Variants in MRPS28 observed in about 807,000 individuals in gnomAD.
The protein encoded by MRPS28 is small ribosomal subunit protein bS1m.
A neutral mutation model predicts 10.8 loss-of-function variants in MRPS28; 7 were observed. The ratio of observed to expected loss-of-function variants is 0.65; its 90% confidence interval spans 0.37 to 1.22. The LOEUF is 1.22. MRPS28 is among the 50% of genes most tolerant of loss of function. The probability of loss-of-function intolerance (pLI) is 0.02; values close to 1 mark genes in which losing one functional copy is unlikely to be tolerated. For missense variants in MRPS28, 265 were observed against 232.9 expected (o/e 1.14, Z -0.90); for synonymous variants, 121 against 93.3 (o/e 1.30, Z -1.71).
intron 1 of MRPS28, among the ~76,000 whole-genome samples, chr8:80,024,730 A>G (rs1380938555): frequency 1.3e-5 from 2 of 152,218 alleles, no homozygotes; most frequent in Non-Finnish European, 2.9e-5. Flanking sequence ...CAGCAAATAT[A>G]TACTCAATCC....
intron 1 of MRPS28, among the ~76,000 whole-genome samples, chr8:80,012,014 G>A (rs929270948): frequency 6.6e-6 from 1 of 152,136 alleles, no homozygotes; most frequent in African/African-American, 2.4e-5. Flanking sequence ...AGATTCTCTT[G>A]AGATTTTTAG....
intron 2 of MRPS28, among the ~76,000 whole-genome samples, chr8:79,990,838 T>C (rs1312678971): frequency 7.8e-6 from 1 of 128,232 alleles, no homozygotes; most frequent in Non-Finnish European, 1.7e-5. Flanking sequence ...AAAAAAAAAA[T>C]TCAAAATTAG....
At chr8:80,011,797 A>C (rs1420906149) in intron 1 of MRPS28, among the ~76,000 whole-genome samples, 2 of 152,068 alleles carry the variant, frequency 1.3e-5, no homozygotes, top group East Asian at 1.9e-4. Context: ...AAAACAAAAA[A>C]CCAGATGACA....
intron 2 of MRPS28, among the ~76,000 whole-genome samples, chr8:80,002,683 T>A (rs1808691308): frequency 6.6e-6 from 1 of 152,128 alleles, no homozygotes; most frequent in African/African-American, 2.4e-5. Flanking sequence ...GACAAAAAAA[T>A]GGTTCCAGGC....
At chr8:79,980,200 G>A (rs1428926331) in intron 2 of MRPS28, among the ~76,000 whole-genome samples, 2 of 152,180 alleles carry the variant, frequency 1.3e-5, no homozygotes, top group Non-Finnish European at 2.9e-5. Flanking sequence ...TTGGGGGTAA[G>A]TACTATCTTC....
intron 2 of MRPS28, among the ~76,000 whole-genome samples, chr8:79,992,639 T>C (rs1480475788): frequency 6.6e-6 from 1 of 152,222 alleles, no homozygotes; most frequent in African/African-American, 2.4e-5. Context: ...ACATTATGAT[T>C]AAGGTACTCA....
chr8:79,954,910 G>T (rs1452781895), intron 2 of MRPS28, among the ~76,000 whole-genome samples: 1 of 152,050 alleles, frequency 6.6e-6, no homozygotes, highest in Non-Finnish European at 1.5e-5. Flanking sequence ...TGAGGCAGGA[G>T]AATTGCTTGA....
In MRPS28 at chr8:80,015,997, A is replaced by G. The variant is rs1274809238; in HGVS notation, c.214-12817T>C. Among the ~76,000 whole-genome samples, 3 of 152,168 alleles carry G rather than the reference A, an allele frequency of 2.0e-5. No individual in the cohort carries two copies. In the East Asian group the frequency reaches 5.8e-4, roughly 29 times the overall value. ...ATAAAAACTGCCAAAACTGAAAAGCAAAGAGAAAAAAGATTGAGGGAAAAA... is the reference window on the plus strand; with the variant it reads ...ATAAAAACTGCCAAAACTGAAAAGCGAAGAGAAAAAAGATTGAGGGAAAAA... On this transcript the variant is annotated intron_variant, in intron 1 of 2. Transcript: ENST00000276585.
chr8:80,012,558 A>G (rs1245019405), intron 1 of MRPS28, among the ~76,000 whole-genome samples: 2 of 152,222 alleles, frequency 1.3e-5, no homozygotes, highest in Non-Finnish European at 2.9e-5. Context: ...CATAGAGCTC[A>G]GTGCCTAACC....
intron 2 of MRPS28, among the ~76,000 whole-genome samples, chr8:79,980,214 C>T (rs1362212510): frequency 2.0e-5 from 3 of 152,178 alleles, no homozygotes; most frequent in Non-Finnish European, 2.9e-5. Flanking sequence ...TATCTTCAAC[C>T]ACTTTAAAGA....
intron 2 of MRPS28, among the ~76,000 whole-genome samples, chr8:79,946,032 T>G (rs1248297800): frequency 6.6e-6 from 1 of 152,018 alleles, no homozygotes; most frequent in Non-Finnish European, 1.5e-5. Flanking sequence ...CAAAAAAAAC[T>G]AACATAATTT....
In MRPS28 at chr8:80,025,724, T is replaced by C. The variant is rs77850824; in HGVS notation, c.213+4312A>G. On this transcript the variant is annotated intron_variant, in intron 1 of 2. Coordinates refer to ENST00000276585, the MANE Select transcript of MRPS28 (RefSeq NM_014018.3). Reference sequence around the variant, plus strand: ...TTAAGTGTTTTAAATAATGAATTCATTGAATCTCATAAAAATCTCATGACA... The same window carrying C: ...TTAAGTGTTTTAAATAATGAATTCACTGAATCTCATAAAAATCTCATGACA... Among the ~76,000 whole-genome samples, 1,130 of 152,274 alleles carry C rather than the reference T, an allele frequency of 7.4e-3. 12 individuals carry two copies. The highest frequency in any genetic ancestry group is 0.026 in the African/African-American group (1,061 of 41,552).
chr8:79,971,381 T>C (rs185623239), intron 2 of MRPS28, among the ~76,000 whole-genome samples: 13 of 152,254 alleles, frequency 8.5e-5, no homozygotes, highest in Admixed American at 8.5e-4. Flanking sequence ...CTAACTTAAA[T>C]AAACAATTCA....
At chr8:79,973,610 G>A (rs867189924) in intron 2 of MRPS28, among the ~76,000 whole-genome samples, 3 of 152,192 alleles carry the variant, frequency 2.0e-5, no homozygotes, top group African/African-American at 2.4e-5. Context: ...GCAACACCAC[G>A]CCCAGCTAGG....
At chr8:79,995,350 C>A (rs997482198) in intron 2 of MRPS28, among the ~76,000 whole-genome samples, 2 of 152,158 alleles carry the variant, frequency 1.3e-5, no homozygotes, top group African/African-American at 2.4e-5. Context: ...CTAATCAATG[C>A]TATAAAGCAA....
intron 2 of MRPS28, among the ~76,000 whole-genome samples, chr8:79,976,696 ACT>A (rs1807812930): frequency 6.6e-6 from 1 of 152,146 alleles, no homozygotes; most frequent in South Asian, 2.1e-4. Context: ...ACAGAGTGAG[ACT>A]CTGTCTCAAA....
chr8:80,028,097 A>G (rs779442294), intron 1 of MRPS28, among the ~76,000 whole-genome samples: 17 of 152,232 alleles, frequency 1.1e-4, no homozygotes, highest in Non-Finnish European at 2.2e-4. Flanking sequence ...TGTTTCCTTC[A>G]TTAAATAAAC....
chr8:80,008,493 A>C (rs1330948367), intron 1 of MRPS28, among the ~76,000 whole-genome samples: 1 of 152,258 alleles, frequency 6.6e-6, no homozygotes, highest in Admixed American at 6.5e-5. Context: ...GGCAACCTAC[A>C]GAATGGGAGA....
chr8:79,961,710 T>C (rs911288436), intron 2 of MRPS28, among the ~76,000 whole-genome samples: 17 of 152,144 alleles, frequency 1.1e-4, no homozygotes, highest in Non-Finnish European at 2.2e-4. Flanking sequence ...AATCAGGGCT[T>C]CTGCAAGATG....
Sources: allele counts gnomAD v4.1 joint callset (sites outside exome capture counted in the v4.1 genomes callset), GRCh38; gene constraint gnomAD v4.1.1; transcripts MANE v1.5; gene names NCBI Gene and HGNC (gene_info 2026-07-23, HGNC 2026-07-21).